The following PRR16 variants were observed in gnomAD, a reference collection of about 807,000 sequenced individuals.
PRR16 encodes protein Largen.
PRR16 carries 6 observed loss-of-function variants against 18.2 expected under a neutral mutation model. That is an observed-to-expected ratio of 0.33 (90% CI 0.18 to 0.65). The LOEUF (loss-of-function observed/expected upper bound fraction) is 0.65. Among genes scored for constraint, PRR16 ranks in the 30% least tolerant of loss-of-function variants. The pLI is 0.74. For synonymous variants in PRR16, 151 were observed against 147.8 expected (o/e 1.02, Z -0.16); for missense variants, 412 against 376.6 (o/e 1.09, Z -0.78).
chr5:120,593,324 C>T (rs1410442829), intron 1 of PRR16, among the ~76,000 whole-genome samples: 1 of 151,664 alleles, frequency 6.6e-6, no homozygotes, highest in African/African-American at 2.4e-5. Context: ...GGAACGTTAC[C>T]GCTGACCCCA....
chr5:120,603,696 C>A (rs1479160961), intron 1 of PRR16, among the ~76,000 whole-genome samples: 1 of 151,926 alleles, frequency 6.6e-6, no homozygotes, highest in Non-Finnish European at 1.5e-5. Flanking sequence ...GGATTTAGTA[C>A]AATATACTTT....
chr5:120,465,711 G>A (rs892714457), intron 1 of PRR16: 2 of 152,530 alleles, frequency 1.3e-5, no homozygotes, highest in African/African-American at 4.8e-5. Context: ...TGCGGTTCTC[G>A]GTGAGGGAGT....
At chr5:120,735,604 T>C in the PRR16 span, among the ~76,000 whole-genome samples, 1 of 152,178 alleles carries the variant, frequency 6.6e-6, no homozygotes, top group Non-Finnish European at 1.5e-5. Context: ...TTGTTGGCCA[T>C]TTGCATATCT....
chr5:120,494,631 C>A (rs1750182268), intron 1 of PRR16, among the ~76,000 whole-genome samples: 1 of 152,048 alleles, frequency 6.6e-6, no homozygotes, highest in African/African-American at 2.4e-5. Context: ...TTCAGTTTAT[C>A]AATTTGCAAA....
chr5:120,792,950 C>A, the PRR16 span, among the ~76,000 whole-genome samples: 743 of 149,184 alleles, frequency 5.0e-3, 12 homozygotes, highest in African/African-American at 0.017. Flanking sequence ...CTTAGGAGTT[C>A]GAGACCAACC....
the PRR16 span, among the ~76,000 whole-genome samples, chr5:120,716,110 A>G: frequency 3.9e-5 from 6 of 152,188 alleles, no homozygotes; most frequent in Non-Finnish European, 1.5e-5. Flanking sequence ...ATTCTCCAAC[A>G]TGAGGAAATG....
intron 1 of PRR16, among the ~76,000 whole-genome samples, chr5:120,490,294 G>A (rs1363901469): frequency 3.3e-5 from 5 of 152,102 alleles, no homozygotes; most frequent in African/African-American, 1.2e-4. Flanking sequence ...TACCGCAATC[G>A]GATGTAGATT....
At chr5:120,566,135 T>C (rs1408224820) in intron 1 of PRR16, among the ~76,000 whole-genome samples, 1 of 152,208 alleles carries the variant, frequency 6.6e-6, no homozygotes, top group African/African-American at 2.4e-5. Context: ...AATGCTGTTA[T>C]TTCCATAGTG....
intron 1 of PRR16, among the ~76,000 whole-genome samples, chr5:120,681,436 T>C (rs185870720): frequency 1.3e-5 from 2 of 152,324 alleles, no homozygotes; most frequent in Admixed American, 6.5e-5. Flanking sequence ...TTAATTCTGA[T>C]TGTCCTACAG....
chr5:120,689,190 G>A (rs1259822501), downstream of PRR16, among the ~76,000 whole-genome samples: 1 of 152,048 alleles, frequency 6.6e-6, no homozygotes, highest in African/African-American at 2.4e-5. Context: ...TTTACTCCAT[G>A]CTATTTCATT....
intron 1 of PRR16, among the ~76,000 whole-genome samples, chr5:120,615,717 G>T (rs2112812412): frequency 6.6e-6 from 1 of 152,058 alleles, no homozygotes; most frequent in African/African-American, 2.4e-5. Flanking sequence ...TTTTTAATTA[G>T]TATTTTGCAG....
intron 1 of PRR16, among the ~76,000 whole-genome samples, chr5:120,641,530 A>G (rs1755422247): frequency 6.6e-6 from 1 of 152,066 alleles, no homozygotes; most frequent in Non-Finnish European, 1.5e-5. Context: ...AGGTTGCATC[A>G]TCACACTGCC....
chr5:120,624,940 T>A (rs1337730760), intron 1 of PRR16, among the ~76,000 whole-genome samples: 1 of 152,288 alleles, frequency 6.6e-6, no homozygotes, highest in African/African-American at 2.4e-5. Context: ...GCGCAAGCTC[T>A]CTTCCCTTGT....
chr5:120,710,093 C>G, the PRR16 span, among the ~76,000 whole-genome samples: 1 of 152,138 alleles, frequency 6.6e-6, no homozygotes, highest in Non-Finnish European at 1.5e-5. Context: ...TTCCTACCAA[C>G]AGTGTATGAG....
chr5:120,464,320 T>C lies in PRR16; in HGVS notation c.-167T>C, dbSNP rs1580603414. 1.4e-5 allele frequency: 9 copies of C among 645,504 alleles called. No homozygotes were observed. In the South Asian group the frequency reaches 2.9e-4, roughly 21 times the overall value. The allele number at this position is 645,504 out of a possible 1,614,324, so 40.0% of individuals were successfully genotyped here. A position where few individuals can be genotyped will look rare whatever the true frequency, so the allele number is the denominator to read the frequency against. On this transcript the variant is annotated 5_prime_UTR_variant, in exon 1 of 2. Coordinates refer to ENST00000407149, the MANE Select transcript of PRR16 (RefSeq NM_001300783.2). ...TCGGGAGTTGATGGCAGCACCACTG[T>C]GCGGCCGCCCGGCCGAGCGCGGAGC...
chr5:120,700,065 C>T, the PRR16 span, among the ~76,000 whole-genome samples: 4 of 152,038 alleles, frequency 2.6e-5, no homozygotes, highest in East Asian at 1.9e-4. Flanking sequence ...GTAAAGAAAG[C>T]ATGTTTGAGA....
chr5:120,574,644 A>G (rs1315087099), intron 1 of PRR16, among the ~76,000 whole-genome samples: 2 of 149,104 alleles, frequency 1.3e-5, no homozygotes, highest in South Asian at 4.2e-4. Flanking sequence ...ATCCAAATTA[A>G]CCATAAATAT....
intron 1 of PRR16, among the ~76,000 whole-genome samples, chr5:120,548,998 T>C (rs1432323448): frequency 2.0e-5 from 3 of 151,536 alleles, no homozygotes; most frequent in Non-Finnish European, 4.4e-5. Context: ...CACACTCATA[T>C]ATCCATTTGA....
intron 1 of PRR16, among the ~76,000 whole-genome samples, chr5:120,672,590 G>A (rs999263949): frequency 6.6e-6 from 1 of 151,880 alleles, no homozygotes; most frequent in East Asian, 1.9e-4. Context: ...TTTAAAGAAA[G>A]TCTTCTGTAA....
Sources: gnomAD v4.1 joint callset for allele counts (sites outside exome capture counted in the v4.1 genomes callset) on GRCh38, gnomAD v4.1.1 for gene constraint, MANE v1.5 for transcripts, NCBI Gene and HGNC (gene_info 2026-07-23, HGNC 2026-07-21) for gene names.